Variants in SYT6 observed in about 807,000 individuals in gnomAD.
The protein encoded by SYT6 is synaptotagmin 6.
Under a neutral mutation model 38.4 loss-of-function variants are expected in SYT6, and 24 were observed. The ratio of observed to expected loss-of-function variants is 0.62; its 90% confidence interval spans 0.45 to 0.88. The LOEUF (loss-of-function observed/expected upper bound fraction) is 0.88. Among genes scored for constraint, SYT6 ranks in the 40% least tolerant of loss-of-function variants. The pLI, the probability that SYT6 is intolerant of heterozygous loss-of-function variation, is 0.00. For synonymous variants in SYT6, 265 were observed against 241.9 expected (o/e 1.10, Z -0.89); for missense variants, 611 against 621.0 (o/e 0.98, Z 0.17).
intron 6 of SYT6, among the ~76,000 whole-genome samples, chr1:114,095,746 C>T (rs149727937): frequency 0.13 from 18,970 of 151,668 alleles, 1,226 homozygotes; most frequent in South Asian, 0.15. Flanking sequence ...CTGCAAGCTC[C>T]GCCTCCCGGG....
chr1:114,105,314 C>A (rs956432644), intron 3 of SYT6, among the ~76,000 whole-genome samples: 9 of 150,664 alleles, frequency 6.0e-5, no homozygotes, highest in Admixed American at 2.0e-4. Flanking sequence ...CTGTTCCCCC[C>A]CTGGAGAATA....
rs1421101910 is a variant in SYT6, at chr1:114,148,666, A to ATTAT, written c.163+4943_163+4944insATAA. The stretch of plus-strand genomic sequence containing the variant: ...GAACCACTCATAAAATACTAATAAT[A>ATTAT]TCATTTATTTATTTATTTATTTATT... On this transcript the variant is annotated intron_variant, in intron 1 of 7. Coordinates refer to ENST00000610222, the MANE Select transcript of SYT6 (RefSeq NM_001253772.2). 2.8e-3 allele frequency among the ~76,000 whole-genome samples: 388 copies of ATTAT among 137,240 alleles called. 2 individuals are homozygous for ATTAT. Among genetic ancestry groups the ATTAT allele is most frequent in the African/African-American group, 0.01 (370 of 35,630 alleles). 90.0% of individuals were successfully genotyped at this position (137,240 alleles called of 152,430 possible).
At chr1:114,143,873 T>C (rs1207050685) in intron 1 of SYT6, among the ~76,000 whole-genome samples, 1 of 141,824 alleles carries the variant, frequency 7.1e-6, no homozygotes, top group Non-Finnish European at 1.5e-5. Context: ...TATGCCCCTA[T>C]GAGGGATGCC....
chr1:114,117,421 G>A (rs1160178947), intron 3 of SYT6, among the ~76,000 whole-genome samples: 1 of 152,244 alleles, frequency 6.6e-6, no homozygotes, highest in African/African-American at 2.4e-5. Context: ...TGCCTGCCTG[G>A]TGGGCTGAGG....
At chr1:114,122,710 A>G (rs1038218625) in intron 3 of SYT6, among the ~76,000 whole-genome samples, 17 of 152,270 alleles carry the variant, frequency 1.1e-4, no homozygotes, top group African/African-American at 3.1e-4. Flanking sequence ...CACTCCCTAA[A>G]AAGAGCTGGA....
intron 1 of SYT6, among the ~76,000 whole-genome samples, chr1:114,145,946 G>T (rs1679134377): frequency 6.6e-6 from 1 of 152,142 alleles, no homozygotes; most frequent in African/African-American, 2.4e-5. Context: ...TATTTAGATT[G>T]CCTCTCCATG....
Position 114,137,900 on chromosome 1 carries a change from G to T in SYT6, c.666C>A (p.Ala222=). The T allele has an allele frequency of 6.2e-7, 1 of 1,614,038 alleles. No individual in the cohort carries two copies. Among genetic ancestry groups the T allele is most frequent in the South Asian group, 1.1e-5 (1 of 91,034 alleles). Residue 222 remains alanine, a synonymous_variant, in exon 3 of 8, where the codon GCC becomes GCA. Transcript: ENST00000610222. ...CGCAGCTCTTGGTGGCCTCAGACTT[G>T]GCATCCTCCCCATCCACCGACTTCT... ...YKQKSVDGED[A]KSEATKSCGK... is the part of the protein sequence containing the mutation.
chr1:114,097,771 C>T lies in SYT6; in HGVS notation c.1471G>A (p.Ala491Thr), dbSNP rs142164979. The change falls in exon 6 of 8, where the codon GCA (alanine) becomes ACA (threonine). Residue 491 changes from alanine (A) to threonine (T), a missense_variant. Ala to Thr is a moderately conservative substitution (Grantham distance 58). Coordinates refer to ENST00000610222, the MANE Select transcript of SYT6 (RefSeq NM_001253772.2). ...EMLAYPRKPI[A>T]HWHSLVEVKK... The stretch of plus-strand genomic sequence containing the variant: ...ACCTCCACCAAGGAGTGCCAGTGTG[C>T]GATGGGCTTCCGGGGGTATGCCAGC... 3.2e-4 allele frequency: 520 copies of T among 1,614,088 alleles called. No individual in the cohort carries two copies. Among genetic ancestry groups the T allele is most frequent in the Middle Eastern group, 2.0e-3 (12 of 6,084 alleles).
intron 7 of SYT6, among the ~76,000 whole-genome samples, chr1:114,093,381 T>G (rs1266221276): frequency 6.6e-6 from 1 of 152,218 alleles, no homozygotes; most frequent in Non-Finnish European, 1.5e-5. Context: ...GGACTCCCTG[T>G]TCAGGCCAGC....
chr1:114,104,372 G>A (rs1200035550), intron 3 of SYT6, among the ~76,000 whole-genome samples: 1 of 152,236 alleles, frequency 6.6e-6, no homozygotes, highest in Non-Finnish European at 1.5e-5. Flanking sequence ...CCAGCACAGA[G>A]CACACGCTCT....
At chr1:114,135,335 C>G (rs979266107) in intron 3 of SYT6, among the ~76,000 whole-genome samples, 1 of 152,138 alleles carries the variant, frequency 6.6e-6, no homozygotes, top group Non-Finnish European at 1.5e-5. Flanking sequence ...CCCAGAGGAT[C>G]GTATTTGCTG....
At position 114,089,666 on chromosome 1, in the gene SYT6, T is replaced by TGTTCAGGTTTCATTCATG. The variant is rs1675187926; in HGVS notation, c.*2450_*2467dup. The TGTTCAGGTTTCATTCATG allele has an allele frequency of 6.6e-6, 1 of 152,364 alleles. No homozygotes were observed. The highest frequency in any genetic ancestry group is 1.5e-5 in the Non-Finnish European group (1 of 68,052). 9.4% of individuals were successfully genotyped at this position (152,364 alleles called of 1,614,324 possible). A position where few individuals can be genotyped will look rare whatever the true frequency, so the allele number is the denominator to read the frequency against. ...TGGGCTAGATAATGAAGTTGGCAGA[T>TGTTCAGGTTTCATTCATG]GTTCAGGTTTCATTCATGATTCAGG... is the stretch of plus-strand genomic sequence containing the variant. On this transcript the variant is annotated 3_prime_UTR_variant, in exon 8 of 8. Coordinates refer to ENST00000610222, the MANE Select transcript of SYT6 (RefSeq NM_001253772.2).
intron 3 of SYT6, among the ~76,000 whole-genome samples, chr1:114,125,335 A>C (rs187774901): frequency 3.5e-4 from 53 of 149,576 alleles, no homozygotes; most frequent in African/African-American, 1.2e-3. Context: ...GCTGTGGCTC[A>C]TCCTGTCCCA....
rs74112950 is a variant in SYT6 at position 114,134,483 on chromosome 1, A to G, written c.1071+3012T>C. 8.5e-3 allele frequency among the ~76,000 whole-genome samples: 1,292 copies of G among 152,336 alleles called. 21 individuals carry two copies. The highest frequency in any genetic ancestry group is 0.029 in the African/African-American group (1,201 of 41,578). ...TACAAGAGAAAGTCAAATGTGGGTC[A>G]CAAGCCATTCCTGAGCCATTGGGAG... On this transcript the variant is annotated intron_variant, in intron 3 of 7. Coordinates refer to ENST00000610222, the MANE Select transcript of SYT6 (RefSeq NM_001253772.2).
At position 114,144,781 on chromosome 1, in the gene SYT6, C is replaced by A. The variant is rs779958171; in HGVS notation, c.164-4818G>T. ...AGGGAAAGAGATCCCACATCAGGGG[C>A]CAAGAAGGAGTTGAGGATATCAGCC... On this transcript the variant is annotated intron_variant, in intron 1 of 7. Coordinates refer to ENST00000610222, the MANE Select transcript of SYT6 (RefSeq NM_001253772.2). Among the ~76,000 whole-genome samples, 120 of 152,124 alleles carry A rather than the reference C, an allele frequency of 7.9e-4. 1 individual carries two copies. The highest frequency in any genetic ancestry group is 2.6e-3 in the Admixed American group (40 of 15,276).
At chr1:114,146,112 C>A (rs889703815) in intron 1 of SYT6, among the ~76,000 whole-genome samples, 20 of 152,288 alleles carry the variant, frequency 1.3e-4, no homozygotes, top group Middle Eastern at 3.4e-3. Flanking sequence ...GGAGCCTGGG[C>A]TTTTGACATC....
chr1:114,120,117 A>G (rs1159664327), intron 3 of SYT6, among the ~76,000 whole-genome samples: 1 of 152,106 alleles, frequency 6.6e-6, no homozygotes, highest in East Asian at 1.9e-4. Context: ...TGTATTTGTC[A>G]AAACAAATTT....
chr1:114,120,934 G>A (rs1175100262), intron 3 of SYT6, among the ~76,000 whole-genome samples: 1 of 152,202 alleles, frequency 6.6e-6, no homozygotes, highest in Non-Finnish European at 1.5e-5. Context: ...TGCCCTGGCT[G>A]GAGAACAGAG....
At chr1:114,094,624 C>G (rs1374465892) in intron 6 of SYT6, among the ~76,000 whole-genome samples, 1 of 152,276 alleles carries the variant, frequency 6.6e-6, no homozygotes, top group South Asian at 2.1e-4. Flanking sequence ...TTTTGAGCCC[C>G]AAACAAGTGA....
Sources: allele counts gnomAD v4.1 joint callset (sites outside exome capture counted in the v4.1 genomes callset), GRCh38; gene constraint gnomAD v4.1.1; transcripts MANE v1.5; gene names NCBI Gene and HGNC (gene_info 2026-07-23, HGNC 2026-07-21).